AGBL4: variants seen among roughly 807,000 people sequenced by gnomAD.
The protein encoded by AGBL4 is AGBL carboxypeptidase 4.
In AGBL4, 58 loss-of-function variants were observed where a neutral mutation model predicts 66.4. That is an observed-to-expected ratio of 0.87 (90% CI 0.71 to 1.09). The LOEUF is 1.09. Among genes scored for constraint, AGBL4 ranks in the 50% least tolerant of loss-of-function variants. AGBL4 has a pLI of 0.00. For missense variants in AGBL4, 579 were observed against 631.0 expected (o/e 0.92, Z 0.88); for synonymous variants, 234 against 222.9 (o/e 1.05, Z -0.44).
At chr1:49,343,954 T>C (rs947048962) in intron 3 of AGBL4, among the ~76,000 whole-genome samples, 6 of 152,244 alleles carry the variant, frequency 3.9e-5, no homozygotes, top group Admixed American at 2.0e-4. Context: ...ACATTTGTTC[T>C]AAATTAGGCA....
At chr1:49,917,980 G>A (rs1651744915) in intron 1 of AGBL4, among the ~76,000 whole-genome samples, 1 of 152,172 alleles carries the variant, frequency 6.6e-6, no homozygotes, top group South Asian at 2.1e-4. Context: ...GCTCCTGAAT[G>A]ACTACTGGGT....
At chr1:49,796,192 T>C (rs1644725458) in intron 2 of AGBL4, among the ~76,000 whole-genome samples, 1 of 151,882 alleles carries the variant, frequency 6.6e-6, no homozygotes, top group Non-Finnish European at 1.5e-5. Flanking sequence ...TTAACAATGG[T>C]ATATAGATGA....
chr1:48,937,399 A>T (rs1236375607), intron 5 of AGBL4, among the ~76,000 whole-genome samples: 1 of 152,150 alleles, frequency 6.6e-6, no homozygotes, highest in Non-Finnish European at 1.5e-5. Context: ...ATTCAGCTTC[A>T]TTATTAGTCA....
chr1:48,885,980 C>G (rs1451621258), intron 5 of AGBL4, among the ~76,000 whole-genome samples: 1 of 152,328 alleles, frequency 6.6e-6, no homozygotes, highest in South Asian at 2.1e-4. Context: ...GTTCCTCATG[C>G]AGAAGCCTCT....
intron 11 of AGBL4, among the ~76,000 whole-genome samples, chr1:48,543,006 A>C (rs1644099369): frequency 6.6e-6 from 1 of 152,188 alleles, no homozygotes; most frequent in Non-Finnish European, 1.5e-5. Flanking sequence ...CTGTTCAGAG[A>C]AGATAAGGGA....
chr1:48,861,919 T>C (rs1647506921), intron 6 of AGBL4, among the ~76,000 whole-genome samples: 1 of 152,350 alleles, frequency 6.6e-6, no homozygotes, highest in Admixed American at 6.5e-5. Context: ...TTTCTCTCTC[T>C]GTCTCTTCTT....
At chr1:49,930,508 G>C (rs1212591994) in intron 1 of AGBL4, among the ~76,000 whole-genome samples, 1 of 151,992 alleles carries the variant, frequency 6.6e-6, no homozygotes, top group Admixed American at 6.6e-5. Context: ...ATATATTCAT[G>C]AACATATATG....
At chr1:48,914,044 A>G (rs1330229655) in intron 5 of AGBL4, among the ~76,000 whole-genome samples, 3 of 152,218 alleles carry the variant, frequency 2.0e-5, no homozygotes, top group African/African-American at 7.2e-5. Flanking sequence ...AGAAAAAACA[A>G]AGTAGCAAAG....
intron 4 of AGBL4, among the ~76,000 whole-genome samples, chr1:49,128,072 G>A (rs1239419644): frequency 1.3e-5 from 2 of 151,998 alleles, no homozygotes; most frequent in Non-Finnish European, 2.9e-5. Context: ...TTATAATTAT[G>A]TCAGGTATTT....
intron 1 of AGBL4, among the ~76,000 whole-genome samples, chr1:49,957,539 G>C (rs1393635609): frequency 6.6e-6 from 1 of 151,804 alleles, no homozygotes; most frequent in African/African-American, 2.4e-5. Context: ...GAATCTGGGT[G>C]CTCCTGTATT....
intron 3 of AGBL4, among the ~76,000 whole-genome samples, chr1:49,645,298 T>C (rs1323518843): frequency 6.6e-6 from 1 of 151,400 alleles, no homozygotes; most frequent in Non-Finnish European, 1.5e-5. Context: ...TCCTAATTCT[T>C]TGCAAAATTA....
intron 6 of AGBL4, among the ~76,000 whole-genome samples, chr1:48,836,517 C>G (rs1324036245): frequency 6.6e-6 from 1 of 151,822 alleles, no homozygotes; most frequent in Non-Finnish European, 1.5e-5. Context: ...CACCTTGAAT[C>G]AGGGCTATGA....
intron 2 of AGBL4, chr1:49,845,696 A>G: frequency 6.3e-7 from 1 of 1,599,672 alleles, no homozygotes; most frequent in Non-Finnish European, 8.6e-7. Context: ...GCCTTCAGCC[A>G]GAGCACATTC....
intron 3 of AGBL4, among the ~76,000 whole-genome samples, chr1:49,575,493 G>A (rs1331318131): frequency 6.6e-6 from 1 of 152,170 alleles, no homozygotes; most frequent in African/African-American, 2.4e-5. Context: ...TCCCTGCAGG[G>A]ACTTCAAAGA....
At chr1:49,279,592 A>G (rs1182346507) in intron 3 of AGBL4, among the ~76,000 whole-genome samples, 1 of 151,996 alleles carries the variant, frequency 6.6e-6, no homozygotes, top group East Asian at 1.9e-4. Flanking sequence ...TATGCCACCA[A>G]CTTATTTGAC....
At chr1:49,161,071 G>T (rs566540528) in intron 4 of AGBL4, among the ~76,000 whole-genome samples, 1 of 152,000 alleles carries the variant, frequency 6.6e-6, no homozygotes, top group Admixed American at 6.6e-5. Flanking sequence ...GTTCTGTCTC[G>T]CTGGCATTTC....
intron 1 of AGBL4, among the ~76,000 whole-genome samples, chr1:49,947,588 T>C (rs777546132): frequency 2.6e-5 from 4 of 151,788 alleles, no homozygotes; most frequent in East Asian, 1.9e-4. Flanking sequence ...GCCAACATTA[T>C]ACTGAATTGG....
At chr1:49,776,219 T>C (rs902953173) in intron 2 of AGBL4, among the ~76,000 whole-genome samples, 1 of 151,972 alleles carries the variant, frequency 6.6e-6, no homozygotes, top group Non-Finnish European at 1.5e-5. Context: ...AATGAAAGAG[T>C]TTAGAAAAAT....
At chr1:49,909,021 T>C (rs1189769484) in intron 1 of AGBL4, among the ~76,000 whole-genome samples, 1 of 152,140 alleles carries the variant, frequency 6.6e-6, no homozygotes, top group Non-Finnish European at 1.5e-5. Flanking sequence ...TATAGTTAAG[T>C]ACACAATAGA....
Sources: gnomAD v4.1 joint callset for allele counts (sites outside exome capture counted in the v4.1 genomes callset) on GRCh38, gnomAD v4.1.1 for gene constraint, MANE v1.5 for transcripts, NCBI Gene and HGNC (gene_info 2026-07-23, HGNC 2026-07-21) for gene names.